The following ITCH variants were observed in gnomAD, a reference collection of about 807,000 sequenced individuals.
ITCH encodes E3 ubiquitin-protein ligase Itchy homolog.
In ITCH, 28 loss-of-function variants were observed where a neutral mutation model predicts 126.8. That is an observed-to-expected ratio of 0.22 (90% confidence interval 0.16 to 0.30). The LOEUF is 0.30. Among genes scored for constraint, ITCH ranks in the 10% least tolerant of loss-of-function variants. ITCH has a pLI of 1.00. For synonymous variants in ITCH, 342 were observed against 340.0 expected (o/e 1.01, Z -0.06); for missense variants, 631 against 1,032.4 (o/e 0.61, Z 5.33).
chr20:34,398,416 T>C (rs964744760), intron 3 of ITCH, among the ~76,000 whole-genome samples: 3 of 151,928 alleles, frequency 2.0e-5, no homozygotes, highest in African/African-American at 7.3e-5. Flanking sequence ...CTTTTTTTTT[T>C]TGAGACAGTT....
At chr20:34,391,775 T>C (rs1288964372) in intron 2 of ITCH, among the ~76,000 whole-genome samples, 1 of 152,214 alleles carries the variant, frequency 6.6e-6, no homozygotes, top group Non-Finnish European at 1.5e-5. Flanking sequence ...TGGAGAGTCA[T>C]TGTTCTTAAA....
At chr20:34,382,017 G>T (rs2038085299) in intron 2 of ITCH, among the ~76,000 whole-genome samples, 2 of 152,070 alleles carry the variant, frequency 1.3e-5, no homozygotes, top group African/African-American at 4.8e-5. Flanking sequence ...TTGTTTACCT[G>T]TGAGAACAAA....
chr20:34,466,141 G>A (rs1987035268), intron 14 of ITCH, among the ~76,000 whole-genome samples: 1 of 151,618 alleles, frequency 6.6e-6, no homozygotes, highest in South Asian at 2.1e-4. Context: ...ATTAAATTTT[G>A]TAAAATCCTT....
chr20:34,461,941 C>T, intron 13 of ITCH, 152 bp from the exon 14 acceptor site: 1 of 697,222 alleles, frequency 1.4e-6, no homozygotes, highest in Non-Finnish European at 2.4e-6. Flanking sequence ...TGTAGGATGT[C>T]CACATAGAGA....
intron 14 of ITCH, among the ~76,000 whole-genome samples, chr20:34,464,034 G>A (rs917769518): frequency 5.3e-5 from 8 of 152,018 alleles, no homozygotes; most frequent in African/African-American, 1.7e-4. Context: ...GAGTGCAGTG[G>A]CACAATCTCG....
chr20:34,468,175 C>T (rs1169814195), intron 14 of ITCH, among the ~76,000 whole-genome samples: 1 of 151,516 alleles, frequency 6.6e-6, no homozygotes, highest in East Asian at 2.0e-4. Flanking sequence ...GCTGGGACTA[C>T]AGACGCCCGC....
At chr20:34,476,001 T>A (rs1288889556) in intron 16 of ITCH, 39 of 1,600,982 alleles carry the variant, frequency 2.4e-5, no homozygotes, top group Admixed American at 3.3e-5. Flanking sequence ...ATATTGTCCA[T>A]AGATTTTGTC....
At chr20:34,392,069 T>G (rs546421865) in intron 2 of ITCH, among the ~76,000 whole-genome samples, 17 of 152,198 alleles carry the variant, frequency 1.1e-4, no homozygotes, top group Non-Finnish European at 1.9e-4. Context: ...TTTTTAAATA[T>G]TGTCGTTCTA....
chr20:34,369,765 A>G (rs995304946), intron 2 of ITCH, among the ~76,000 whole-genome samples: 1 of 152,152 alleles, frequency 6.6e-6, no homozygotes, highest in East Asian at 1.9e-4. Context: ...TCTGTATACT[A>G]TCTAGACATG....
chr20:34,364,954 A>G (rs984476650), intron 1 of ITCH, among the ~76,000 whole-genome samples: 1 of 149,592 alleles, frequency 6.7e-6, no homozygotes, highest in African/African-American at 2.5e-5. Context: ...AATCCCAGCA[A>G]TTTGGGAGGC....
rs146416682 is a variant in ITCH, at chr20:34,445,520, C to T, written c.1140+59C>T. The T allele has an allele frequency of 1.4e-3, 2,133 of 1,528,942 alleles. 25 individuals are homozygous for T. In the African/African-American group the frequency reaches 0.026, roughly 19 times the overall value. 94.7% of individuals were successfully genotyped at this position (1,528,942 alleles called of 1,614,324 possible). ...GTATTTTGTTTCTAGCCCCTTCCAG[C>T]ATATGTCATGGAAAGCACTAAAAAG... On this transcript the variant is annotated intron_variant, in intron 11 of 24. Coordinates refer to ENST00000374864, the MANE Select transcript of ITCH (RefSeq NM_031483.7).
chr20:34,489,193 ATTTATT>A (rs1415790258), intron 20 of ITCH, 67 bp from the exon 21 acceptor site: 5 of 1,333,730 alleles, frequency 3.7e-6, no homozygotes, highest in Non-Finnish European at 4.1e-6. Context: ...ATTTTTTAAA[ATTTATT>A]TTTATACTCA....
chr20:34,501,318 T>TC (rs1990231214), intron 23 of ITCH, among the ~76,000 whole-genome samples: 1 of 152,220 alleles, frequency 6.6e-6, no homozygotes, highest in Admixed American at 6.5e-5. Context: ...TTAACTGTAA[T>TC]ATAAGGGATT....
chr20:34,450,678 GT>G (rs756762975), intron 12 of ITCH, among the ~76,000 whole-genome samples: 31 of 152,126 alleles, frequency 2.0e-4, no homozygotes, highest in Admixed American at 2.0e-4. Context: ...CCAGAGTTTT[GT>G]CTTCAAGAGC....
Position 34,457,310 on chromosome 20 carries a change from A to G in ITCH, c.1211-80A>G, listed in dbSNP as rs1025310926. 4.2e-6 allele frequency: 4 copies of G among 948,592 alleles called. No individual in the cohort carries two copies. In the African/African-American group the frequency reaches 4.8e-5, roughly 11 times the overall value. 58.8% of individuals were successfully genotyped at this position (948,592 alleles called of 1,614,324 possible). A position where few individuals can be genotyped will look rare whatever the true frequency, so the allele number is the denominator to read the frequency against. On this transcript the variant is annotated intron_variant, in intron 12 of 24. Coordinates refer to ENST00000374864, the MANE Select transcript of ITCH (RefSeq NM_031483.7). ...ATGAAATGAGAAATGGGCAAATTCAAATAATTTTATTTTACCTTGAGCAAG... is the reference window on the plus strand; with the variant it reads ...ATGAAATGAGAAATGGGCAAATTCAGATAATTTTATTTTACCTTGAGCAAG...
chr20:34,479,809 T>A lies in ITCH; in HGVS notation c.1818+20T>A, dbSNP rs557929099. On this transcript the variant is annotated intron_variant, in intron 18 of 24. Coordinates refer to ENST00000374864, the MANE Select transcript of ITCH (RefSeq NM_031483.7). The stretch of plus-strand genomic sequence containing the variant: ...GCCATGGTAAGTGCAGGTCAAGAAT[T>A]ATGTTTACTTTGCTTATTCAGCAAT... The A allele has an allele frequency of 1.5e-3, 2,424 of 1,608,526 alleles. 46 individuals are homozygous for A. In the South Asian group the frequency reaches 0.025, roughly 17 times the overall value.
At chr20:34,407,981 T>C (rs1023289559) in intron 3 of ITCH, among the ~76,000 whole-genome samples, 2 of 152,226 alleles carry the variant, frequency 1.3e-5, no homozygotes, top group African/African-American at 4.8e-5. Context: ...TTTTGAGATA[T>C]GGTCTCGCTG....
chr20:34,440,221 C>G lies in ITCH; in HGVS notation c.746C>G (p.Pro249Arg). ...SDGSSTGSLP[P>R]TNTNTNTSEG... ...GGGTCTAGTACAGGCTCTCTGCCGC[C>G]GACAAATACAAATACAAATACATCT... is the stretch of plus-strand genomic sequence containing the variant. Residue 249 changes from proline to arginine, a missense_variant, in exon 9 of 25, where the codon CCG (proline) becomes CGG (arginine). Coordinates refer to ENST00000374864, the MANE Select transcript of ITCH (RefSeq NM_031483.7). 1 of 1,613,524 alleles carries G rather than the reference C, an allele frequency of 6.2e-7. No homozygotes were observed. Among genetic ancestry groups the G allele is most frequent in the African/African-American group, 1.3e-5 (1 of 75,006 alleles).
intron 10 of ITCH, among the ~76,000 whole-genome samples, chr20:34,443,682 T>C (rs1984063163): frequency 6.6e-6 from 1 of 152,126 alleles, no homozygotes; most frequent in African/African-American, 2.4e-5. Flanking sequence ...TGAGGAACTT[T>C]ACGTTGTTAG....
Sources: gnomAD v4.1 joint callset for allele counts (sites outside exome capture counted in the v4.1 genomes callset) on GRCh38, gnomAD v4.1.1 for gene constraint, MANE v1.5 for transcripts, NCBI Gene and HGNC (gene_info 2026-07-23, HGNC 2026-07-21) for gene names.